ARHGAP29: variants seen among roughly 807,000 people sequenced by gnomAD.
ARHGAP29 encodes the protein Rho GTPase activating protein 29.
Under a neutral mutation model 122.6 loss-of-function variants are expected in ARHGAP29, and 43 were observed. The ratio of observed to expected loss-of-function variants is 0.35; its 90% CI spans 0.27 to 0.45. The LOEUF is 0.45. ARHGAP29 is among the 20% of genes least tolerant of loss of function. ARHGAP29 has a pLI of 1.00. For missense variants in ARHGAP29, 1,303 were observed against 1,477.2 expected, an observed-to-expected ratio of 0.88 and a Z score of 1.93; for synonymous variants, 506 against 497.1, an observed-to-expected ratio of 1.02 and a Z score of -0.24.
chr1:94,245,616 C>T (rs1004323605), intron 1 of ARHGAP29, among the ~76,000 whole-genome samples: 6 of 152,164 alleles, frequency 3.9e-5, no homozygotes, highest in Non-Finnish European at 1.5e-5. Flanking sequence ...TTCATTTCCT[C>T]CACTAAAAAT....
chr1:94,280,383 C>G, the ARHGAP29 span, among the ~76,000 whole-genome samples: 7 of 152,262 alleles, frequency 4.6e-5, no homozygotes, highest in African/African-American at 1.7e-4. Flanking sequence ...TCTTCCTGTC[C>G]TCCAACAGCT....
chr1:94,178,192 G>A (rs768545880), intron 20 of ARHGAP29, 25 bp from the exon 21 acceptor site: 48 of 1,582,440 alleles, frequency 3.0e-5, no homozygotes, highest in Non-Finnish European at 4.0e-5. Context: ...ACATAAAGTT[G>A]TATGAGATTT....
At chr1:94,229,244 T>C (rs1652790639) in intron 2 of ARHGAP29, among the ~76,000 whole-genome samples, 3 of 151,794 alleles carry the variant, frequency 2.0e-5, no homozygotes, top group African/African-American at 7.2e-5. Flanking sequence ...CATGTAATAA[T>C]ACCATCTTAA....
chr1:94,228,708 G>C (rs960584821), intron 2 of ARHGAP29, among the ~76,000 whole-genome samples: 1 of 151,712 alleles, frequency 6.6e-6, no homozygotes, highest in African/African-American at 2.4e-5. Context: ...AATGAAAAGC[G>C]CCATATACAA....
At chr1:94,208,808 T>C in intron 5 of ARHGAP29, 24 bp downstream of exon 5, 6 of 1,607,956 alleles carry the variant, frequency 3.7e-6, no homozygotes, top group Non-Finnish European at 4.3e-6. Flanking sequence ...TTAAAGACTT[T>C]GCTTTCACAC....
chr1:94,221,064 C>G (rs892614940), intron 2 of ARHGAP29, among the ~76,000 whole-genome samples: 1 of 152,112 alleles, frequency 6.6e-6, no homozygotes, highest in African/African-American at 2.4e-5. Context: ...CCAGCCTACT[C>G]CACTCATTTA....
chr1:94,227,220 T>C (rs1387453562), intron 2 of ARHGAP29, among the ~76,000 whole-genome samples: 2 of 151,714 alleles, frequency 1.3e-5, no homozygotes, highest in African/African-American at 4.8e-5. Flanking sequence ...CCGACTATAG[T>C]CCTGTAAAAA....
chr1:94,298,254 T>C, the ARHGAP29 span, among the ~76,000 whole-genome samples: 1 of 152,196 alleles, frequency 6.6e-6, no homozygotes, highest in Non-Finnish European at 1.5e-5. Flanking sequence ...AAAATTATTT[T>C]AAGTAACGTG....
the ARHGAP29 span, among the ~76,000 whole-genome samples, chr1:94,291,938 G>A: frequency 3.9e-5 from 6 of 152,156 alleles, no homozygotes; most frequent in Non-Finnish European, 8.8e-5. Flanking sequence ...TCTTGGGGTT[G>A]CTCTTCTTGA....
Position 94,172,810 on chromosome 1 carries a change from G to C in ARHGAP29, c.*1059C>G, listed in dbSNP as rs941793252. 2 of 152,312 alleles carry C rather than the reference G, an allele frequency of 1.3e-5. No individual in the cohort carries two copies. The highest frequency in any genetic ancestry group is 3.8e-4 in the East Asian group (2 of 5,196). The allele number at this position is 152,312 out of a possible 1,614,324, so 9.4% of individuals were successfully genotyped here. On this transcript the variant is annotated 3_prime_UTR_variant, in exon 23 of 23. Coordinates refer to ENST00000260526, the MANE Select transcript of ARHGAP29 (RefSeq NM_004815.4). ...GACCTTTTATAAATGAAACAGATCC[G>C]ATCACCTATACCTTCTCTCAAATTC...
intron 12 of ARHGAP29, among the ~76,000 whole-genome samples, chr1:94,198,674 TAATC>T (rs1173333502): frequency 6.6e-6 from 1 of 152,220 alleles, no homozygotes; most frequent in East Asian, 1.9e-4. Context: ...TTTTTTTTCT[TAATC>T]AAAGACCTAA....
At chr1:94,260,678 A>G (rs1482676167) in intron 1 of ARHGAP29, among the ~76,000 whole-genome samples, 1 of 152,212 alleles carries the variant, frequency 6.6e-6, no homozygotes, top group Non-Finnish European at 1.5e-5. Context: ...AGACACACAG[A>G]AAAAGAAACC....
At chr1:94,260,994 C>A (rs764797162) in intron 1 of ARHGAP29, among the ~76,000 whole-genome samples, 15 of 152,156 alleles carry the variant, frequency 9.9e-5, no homozygotes, top group Non-Finnish European at 1.9e-4. Flanking sequence ...ATGCCACCTT[C>A]CTAATTCTGC....
the ARHGAP29 span, among the ~76,000 whole-genome samples, chr1:94,297,712 G>C: frequency 6.6e-6 from 1 of 152,182 alleles, no homozygotes; most frequent in Admixed American, 6.5e-5. Context: ...ACATGACATA[G>C]AGTGTTTCAT....
At chr1:94,300,319 C>T in the ARHGAP29 span, among the ~76,000 whole-genome samples, 11 of 152,184 alleles carry the variant, frequency 7.2e-5, no homozygotes, top group Non-Finnish European at 1.6e-4. Context: ...ATTGATTTGC[C>T]AGTCCCTGCT....
the ARHGAP29 span, among the ~76,000 whole-genome samples, chr1:94,283,256 A>T: frequency 1.3e-4 from 20 of 152,102 alleles, no homozygotes; most frequent in Admixed American, 6.5e-4. Context: ...TCTATCTTCT[A>T]AACACTGTGC....
intron 2 of ARHGAP29, among the ~76,000 whole-genome samples, chr1:94,229,920 T>A (rs966427773): frequency 2.6e-5 from 4 of 151,764 alleles, no homozygotes; most frequent in South Asian, 2.1e-4. Context: ...TTAAGAGATA[T>A]AAATCTTTTA....
In ARHGAP29 at chr1:94,231,552, G is replaced by C; in HGVS notation, c.60C>G (p.Leu20=). The C allele has an allele frequency of 6.2e-7, 1 of 1,613,774 alleles. No individual in the cohort carries two copies. The highest frequency in any genetic ancestry group is 8.5e-7 in the Non-Finnish European group (1 of 1,179,736). The change falls in exon 2 of 23, where the codon CTC becomes CTG. Residue 20 remains leucine (L), a synonymous_variant. Coordinates refer to ENST00000260526, the MANE Select transcript of ARHGAP29 (RefSeq NM_004815.4). ...TTTCAGAAGTTGTAATATCAGTAGA[G>C]AGTTGACCTGATGCCCAAGCACGTT... ...KKKRAWASGQ[L]STDITTSEMG...
rs1648857609 is a variant in ARHGAP29 at position 94,173,211 on chromosome 1, G to A, written c.*658C>T. On this transcript the variant is annotated 3_prime_UTR_variant, in exon 23 of 23. Transcript: ENST00000260526. Reference sequence around the variant, plus strand: ...ATATAATTTAGAAACAGGTTTAAGTGCATTTTCTTTGTACAACTGACTATC... The same window carrying A: ...ATATAATTTAGAAACAGGTTTAAGTACATTTTCTTTGTACAACTGACTATC... 1 of 152,590 alleles carries A rather than the reference G, an allele frequency of 6.6e-6. No individual in the cohort carries two copies. Among genetic ancestry groups the A allele is most frequent in the Non-Finnish European group, 1.5e-5 (1 of 68,018 alleles). The allele number at this position is 152,590 out of a possible 1,614,324, so 9.5% of individuals were successfully genotyped here.
Sources: allele counts gnomAD v4.1 joint callset (sites outside exome capture counted in the v4.1 genomes callset), GRCh38; gene constraint gnomAD v4.1.1; transcripts MANE v1.5; gene names NCBI Gene and HGNC (gene_info 2026-07-23, HGNC 2026-07-21).